The following POTEF variants were observed in gnomAD, a reference collection of about 807,000 sequenced individuals.
The protein encoded by POTEF is POTE ankyrin domain family member F.
POTEF carries 20 observed loss-of-function variants against 83.2 expected under a neutral mutation model. The ratio of observed to expected loss-of-function variants is 0.24; its 90% CI spans 0.17 to 0.35. The LOEUF is 0.35. Ranked by LOEUF, POTEF falls within the 10% of genes least tolerant of loss-of-function variation. The probability of loss-of-function intolerance (pLI) is 1.00; values close to 1 mark genes in which losing one functional copy is unlikely to be tolerated. For missense variants in POTEF, 550 were observed against 1,203.2 expected (o/e 0.46, Z 8.03); for synonymous variants, 196 against 446.4 (o/e 0.44, Z 7.07).
chr2:130,108,358 A>G (rs560506115), intron 7 of POTEF, among the ~76,000 whole-genome samples: 7 of 152,126 alleles, frequency 4.6e-5, no homozygotes, highest in East Asian at 1.9e-4. Flanking sequence ...CCAACTCTGC[A>G]TAAGTCCTAG....
chr2:130,113,197 C>A, intron 5 of POTEF, among the ~76,000 whole-genome samples: 1 of 97,548 alleles, frequency 1.0e-5, no homozygotes, highest in African/African-American at 4.4e-5. Flanking sequence ...GCCTGAGAAA[C>A]ATGGCAAAAA....
chr2:130,118,207 T>C (rs1020681638), intron 3 of POTEF, among the ~76,000 whole-genome samples: 7 of 151,988 alleles, frequency 4.6e-5, no homozygotes, highest in Non-Finnish European at 1.0e-4. Context: ...CCTAAAGTGC[T>C]GGGGTAACAG....
chr2:130,107,363 C>G (rs1228032252), intron 8 of POTEF, among the ~76,000 whole-genome samples: 1 of 150,968 alleles, frequency 6.6e-6, no homozygotes, highest in African/African-American at 2.5e-5. Context: ...TTGGGACAAG[C>G]ATATGTAACA....
chr2:130,109,348 G>A (rs1017281014), intron 7 of POTEF: 2 of 142,530 alleles, frequency 1.4e-5, no homozygotes, highest in African/African-American at 5.5e-5. Flanking sequence ...GATGCGTCAT[G>A]GACAAGGCTT....
intron 1 of POTEF, among the ~76,000 whole-genome samples, chr2:130,128,703 G>A (rs1685162552): frequency 6.6e-6 from 1 of 151,966 alleles, no homozygotes; most frequent in Non-Finnish European, 1.5e-5. Flanking sequence ...CCCTGAGTAA[G>A]GGCAGTGCAG....
intron 1 of POTEF, among the ~76,000 whole-genome samples, 174 bp downstream of exon 1, chr2:130,128,898 G>A (rs1217199727): frequency 9.0e-6 from 1 of 111,722 alleles, no homozygotes; most frequent in African/African-American, 3.9e-5. Context: ...ACCACGGGCA[G>A]TGTAGCCCCG....
chr2:130,125,628 G>C (rs903268902), intron 2 of POTEF, among the ~76,000 whole-genome samples: 3 of 151,938 alleles, frequency 2.0e-5, no homozygotes, highest in African/African-American at 7.3e-5. Context: ...ATAAAGCCTT[G>C]TTTTTGGTTG....
At chr2:130,103,205 C>A (rs1285354290) in intron 8 of POTEF, among the ~76,000 whole-genome samples, 1 of 148,138 alleles carries the variant, frequency 6.8e-6, no homozygotes, top group African/African-American at 2.6e-5. Flanking sequence ...CTGGTTCAAG[C>A]GATTCTCCTG....
rs536908639 is a variant in POTEF, at chr2:130,123,209, A to G, written c.-93-2601T>C. On this transcript the variant is annotated intron_variant, in intron 2 of 16. Coordinates refer to ENST00000409914, the MANE Select transcript of POTEF (RefSeq NM_001099771.2). ...TCTACAAAACAATTTCAAACACACT[A>G]AAAGGTTTTAATCTAACAATTTTTA... Among the ~76,000 whole-genome samples, 1,341 of 143,004 alleles carry G rather than the reference A, an allele frequency of 9.4e-3. 32 individuals are homozygous for G. The highest frequency in any genetic ancestry group is 0.034 in the African/African-American group (1,288 of 37,862). The allele number at this position is 143,004 out of a possible 152,430, so 93.8% of individuals were successfully genotyped here.
At chr2:130,111,167 T>A (rs531182288) in intron 6 of POTEF, among the ~76,000 whole-genome samples, 1 of 150,810 alleles carries the variant, frequency 6.6e-6, no homozygotes, top group Admixed American at 6.6e-5. Flanking sequence ...ATGCCACATA[T>A]ATCTTTCTTA....
At chr2:130,120,807 A>G (rs954600823) in intron 2 of POTEF, 199 bp from the exon 3 acceptor site, 3 of 529,342 alleles carry the variant, frequency 5.7e-6, no homozygotes, top group Non-Finnish European at 1.0e-5. Context: ...GGAATGCCAA[A>G]CCCAGCAGAG....
chr2:130,128,969 A>C, intron 1 of POTEF, 103 bp downstream of exon 1: 1 of 96,148 alleles, frequency 1.0e-5, no homozygotes, highest in South Asian at 4.1e-4. Flanking sequence ...GAGTGCCCCC[A>C]ACCAGCCCCC....
At chr2:130,111,699 A>C (rs1486871112) in intron 6 of POTEF, among the ~76,000 whole-genome samples, 1 of 150,416 alleles carries the variant, frequency 6.6e-6, no homozygotes, top group Non-Finnish European at 1.5e-5. Context: ...GTAAACTAAA[A>C]GTTAAAGTTC....
intron 1 of POTEF, among the ~76,000 whole-genome samples, chr2:130,128,617 G>A (rs1225623679): frequency 6.7e-6 from 1 of 149,940 alleles, no homozygotes; most frequent in East Asian, 2.0e-4. Flanking sequence ...CCCAGCCACA[G>A]GTGTTGCTGC....
At chr2:130,091,295 A>AT (rs1392051109) in intron 12 of POTEF, among the ~76,000 whole-genome samples, 1 of 120,828 alleles carries the variant, frequency 8.3e-6, no homozygotes, top group Non-Finnish European at 1.7e-5. Context: ...ACATAAGTCT[A>AT]TTGGGATATT....
intron 9 of POTEF, 48 bp from the exon 10 acceptor site, chr2:130,100,768 A>G (rs1305667202): frequency 1.2e-6 from 2 of 1,603,824 alleles, no homozygotes; most frequent in Non-Finnish European, 1.7e-6. Flanking sequence ...TGTTTCTGTG[A>G]TGTGTCCTCT....
Position 130,120,374 on chromosome 2 carries a change from C to T in POTEF, c.142G>A (p.Asp48Asn). 2 of 1,602,846 alleles carry T rather than the reference C, an allele frequency of 1.2e-6. No individual in the cohort carries two copies. Among genetic ancestry groups the T allele is most frequent in the Non-Finnish European group, 8.5e-7 (1 of 1,171,242 alleles). The change falls in exon 3 of 17, where the codon GAC becomes AAC. Residue 48 changes from aspartate (D) to asparagine (N), a missense_variant. Asp to Asn is a conservative substitution (Grantham distance 23). Coordinates refer to ENST00000409914, the MANE Select transcript of POTEF (RefSeq NM_001099771.2). ...SGKSNVGTSGDHDDSAMKTLR... is the reference protein window; with the variant it reads ...SGKSNVGTSGNHDDSAMKTLR... ...GTCTTCATAGCAGAGTCGTCGTGGT[C>T]TCCAGAAGTGCCCACGTTGCTCTTG...
chr2:130,120,546 T>C lies in POTEF; in HGVS notation c.-31A>G, dbSNP rs1427252602. 1 of 1,610,942 alleles carries C rather than the reference T, an allele frequency of 6.2e-7. No homozygotes were observed. The highest frequency in any genetic ancestry group is 8.5e-7 in the Non-Finnish European group (1 of 1,178,996). On this transcript the variant is annotated 5_prime_UTR_variant, in exon 3 of 17. Transcript: ENST00000409914. Reference sequence around the variant, plus strand: ...TTTAACAGCCAGGAGAAGCCAGTAGTAGCCAACAGATCGCGTCTACCAACC... The same window carrying C: ...TTTAACAGCCAGGAGAAGCCAGTAGCAGCCAACAGATCGCGTCTACCAACC...
rs57173649 is a variant in POTEF at position 130,127,324 on chromosome 2, CAAAAAAAA to C, written c.-94+377_-94+384del. On this transcript the variant is annotated intron_variant, in intron 2 of 16. Transcript: ENST00000409914. ...TGGGCAAAAGAGCGAGACTCTGTCT[CAAAAAAAA>C]AAAAAAAAAAAAAAAAAAAGCCACA... Among the ~76,000 whole-genome samples the C allele has an allele frequency of 1.5e-3, 19 of 12,448 alleles. No homozygotes were observed. In the South Asian group the frequency reaches 0.016, roughly 10 times the overall value. 8.2% of individuals were successfully genotyped at this position (12,448 alleles called of 152,430 possible).
Sources: allele counts gnomAD v4.1 joint callset (sites outside exome capture counted in the v4.1 genomes callset), GRCh38; gene constraint gnomAD v4.1.1; transcripts MANE v1.5; gene names NCBI Gene and HGNC (gene_info 2026-07-23, HGNC 2026-07-21).